The following PEX14 variants were observed in gnomAD, a reference collection of about 807,000 sequenced individuals.
PEX14 encodes the protein peroxisomal membrane protein PEX14.
PEX14 carries 15 observed loss-of-function variants against 49.5 expected under a neutral mutation model. That is an observed-to-expected ratio of 0.30 (90% CI 0.20 to 0.47). PEX14 has a LOEUF of 0.47. Among genes scored for constraint, PEX14 ranks in the 20% least tolerant of loss-of-function variants. The probability of loss-of-function intolerance (pLI) is 1.00; values close to 1 mark genes in which losing one functional copy is unlikely to be tolerated. For synonymous variants in PEX14, 210 were observed against 212.7 expected (o/e 0.99, Z 0.11); for missense variants, 398 against 494.8 (o/e 0.80, Z 1.86).
chr1:10,547,970 C>T (rs931912455), intron 3 of PEX14, among the ~76,000 whole-genome samples: 1 of 152,098 alleles, frequency 6.6e-6, no homozygotes, highest in Non-Finnish European at 1.5e-5. Context: ...AATCCCAGCA[C>T]TTTGGGAGGC....
intron 3 of PEX14, among the ~76,000 whole-genome samples, chr1:10,542,311 A>G (rs1276894087): frequency 1.3e-5 from 2 of 152,242 alleles, no homozygotes; most frequent in African/African-American, 2.4e-5. Context: ...CCACAGAAAC[A>G]CGAATGCTTT....
chr1:10,509,620 A>G (rs921060355), intron 2 of PEX14, among the ~76,000 whole-genome samples: 1 of 152,094 alleles, frequency 6.6e-6, no homozygotes, highest in African/African-American at 2.4e-5. Context: ...GGTATCCCCT[A>G]CTGACCAGAC....
chr1:10,518,378 C>G (rs952916875), intron 2 of PEX14, among the ~76,000 whole-genome samples: 12 of 152,142 alleles, frequency 7.9e-5, no homozygotes, highest in Non-Finnish European at 1.3e-4. Context: ...AACCCGATGC[C>G]AGGGGGAACC....
At chr1:10,531,135 C>T (rs1638637818) in intron 2 of PEX14, among the ~76,000 whole-genome samples, 2 of 152,118 alleles carry the variant, frequency 1.3e-5, no homozygotes, top group African/African-American at 4.8e-5. Context: ...GTCCTAGGAC[C>T]CTGGATCCGA....
intron 3 of PEX14, among the ~76,000 whole-genome samples, chr1:10,549,187 T>C (rs1639265047): frequency 6.6e-6 from 1 of 152,206 alleles, no homozygotes; most frequent in Admixed American, 6.5e-5. Flanking sequence ...GTAAATGTCA[T>C]CTTTTCAATG....
intron 3 of PEX14, among the ~76,000 whole-genome samples, chr1:10,574,757 C>T (rs1268052337): frequency 2.6e-5 from 4 of 151,980 alleles, no homozygotes; most frequent in Non-Finnish European, 5.9e-5. Flanking sequence ...TAAAATAAAA[C>T]AACACAGGAA....
intron 5 of PEX14, 82 bp from the exon 6 acceptor site, chr1:10,622,937 A>AGTTGGGCGGCAGAATTTGAGAGATT: frequency 1.1e-6 from 1 of 948,910 alleles, no homozygotes; most frequent in Non-Finnish European, 1.7e-6. Context: ...ACAGGGAGAA[A>AGTTGGGCGGCAGAATTTGAGAGATT]GTTGGGCGGC....
At chr1:10,563,119 T>C (rs61777208) in intron 3 of PEX14, among the ~76,000 whole-genome samples, 33,586 of 145,440 alleles carry the variant, frequency 0.23, 4,462 homozygotes, top group East Asian at 0.33. Context: ...GGTTTCACCA[T>C]GTTGGTCAGG....
In PEX14 at chr1:10,537,351, C is replaced by CG. The variant is rs1638848211; in HGVS notation, c.169+1054_169+1055insG. 2.1e-5 allele frequency among the ~76,000 whole-genome samples: 2 copies of CG among 96,514 alleles called. 1 individual carries two copies. Among genetic ancestry groups the CG allele is most frequent in the Non-Finnish European group, 4.8e-5 (2 of 41,486 alleles). 63.3% of individuals were successfully genotyped at this position (96,514 alleles called of 152,430 possible). On this transcript the variant is annotated intron_variant, in intron 3 of 8. Coordinates refer to ENST00000356607, the MANE Select transcript of PEX14 (RefSeq NM_004565.3). ...CTGCATTGTGCCAGCACCCCCCCCC[C>CG]CCGCCATCATTAGGAGATTATTAAA...
intron 1 of PEX14, among the ~76,000 whole-genome samples, chr1:10,486,360 G>GTTTTTT (rs201702205): frequency 8.1e-6 from 1 of 124,130 alleles, no homozygotes; most frequent in Non-Finnish European, 1.7e-5. Context: ...AGTTTGCTGA[G>GTTTTTT]TTTTTTTTTT....
At position 10,624,166 on chromosome 1, in the gene PEX14, G is replaced by A. The variant is rs182497449; in HGVS notation, c.488-174G>A. 7.2e-5 allele frequency among the ~76,000 whole-genome samples: 11 copies of A among 152,366 alleles called. No individual in the cohort carries two copies. In the East Asian group the frequency reaches 1.9e-3, roughly 27 times the overall value. On this transcript the variant is annotated intron_variant, in intron 6 of 8. Coordinates refer to ENST00000356607, the MANE Select transcript of PEX14 (RefSeq NM_004565.3). ...GTAGAAATACTAGAGGTTAGATACA[G>A]TGCAGGCAGATCACCCAGAGTGCAG...
At chr1:10,627,041 CG>C (rs1641768991) in intron 7 of PEX14, among the ~76,000 whole-genome samples, 1 of 152,218 alleles carries the variant, frequency 6.6e-6, no homozygotes, top group Non-Finnish European at 1.5e-5. Flanking sequence ...CCTAAAAACA[CG>C]TAATGATTCC....
At chr1:10,559,309 C>A (rs562539635) in intron 3 of PEX14, among the ~76,000 whole-genome samples, 2 of 152,264 alleles carry the variant, frequency 1.3e-5, no homozygotes, top group East Asian at 1.9e-4. Flanking sequence ...TTTCAAAGTC[C>A]TTGCTTTGCA....
intron 2 of PEX14, among the ~76,000 whole-genome samples, chr1:10,496,606 A>G (rs1570152296): frequency 6.6e-6 from 1 of 152,214 alleles, no homozygotes; most frequent in East Asian, 1.9e-4. Context: ...AGGAGTGGCC[A>G]GTCCATCTTT....
At chr1:10,589,027 G>A (rs1430937721) in intron 3 of PEX14, among the ~76,000 whole-genome samples, 1 of 152,136 alleles carries the variant, frequency 6.6e-6, no homozygotes, top group African/African-American at 2.4e-5. Context: ...ACAGATAAGG[G>A]TGGGCTACTG....
intron 3 of PEX14, among the ~76,000 whole-genome samples, chr1:10,586,360 G>C (rs889114281): frequency 2.6e-5 from 4 of 152,164 alleles, no homozygotes; most frequent in African/African-American, 9.7e-5. Context: ...CTACTCTGCT[G>C]GTGGGAGTGT....
chr1:10,517,946 C>T (rs1052343014), intron 2 of PEX14, among the ~76,000 whole-genome samples: 2 of 152,108 alleles, frequency 1.3e-5, no homozygotes, highest in African/African-American at 4.8e-5. Flanking sequence ...AAATGGTGGA[C>T]TCTAGAACCT....
At chr1:10,589,564 TG>T (rs1553193976) in intron 3 of PEX14, among the ~76,000 whole-genome samples, 1 of 6,120 alleles carries the variant, frequency 1.6e-4, no homozygotes, top group Non-Finnish European at 1.5e-3. Flanking sequence ...TTTGTAGTTT[TG>T]TTTGTTTGTT....
intron 2 of PEX14, among the ~76,000 whole-genome samples, chr1:10,509,093 C>T (rs138498456): frequency 0.012 from 1,811 of 152,250 alleles, 32 homozygotes; most frequent in African/African-American, 0.041. Context: ...CCCGCCGCCA[C>T]GTCCGGCTAA....
Sources: gnomAD v4.1 joint callset for allele counts (sites outside exome capture counted in the v4.1 genomes callset) on GRCh38, gnomAD v4.1.1 for gene constraint, MANE v1.5 for transcripts, NCBI Gene and HGNC (gene_info 2026-07-23, HGNC 2026-07-21) for gene names.